Variants in KBTBD11 observed in about 807,000 individuals in gnomAD.
KBTBD11 encodes the protein kelch repeat and BTB domain-containing protein 11.
For synonymous variants in KBTBD11, 747 were observed against 499.0 expected (o/e 1.50, Z -6.63); for missense variants, 1,390 against 1,001.8 (o/e 1.39, Z -5.23).
intron 1 of KBTBD11, among the ~76,000 whole-genome samples, chr8:1,994,680 C>A (rs1310173282): frequency 6.6e-6 from 1 of 152,246 alleles, no homozygotes; most frequent in Admixed American, 6.5e-5. Context: ...AAATAGACGC[C>A]CGCTGCTCTG....
At chr8:1,989,796 G>A (rs73184743) in intron 1 of KBTBD11, among the ~76,000 whole-genome samples, 1 of 152,022 alleles carries the variant, frequency 6.6e-6, no homozygotes, top group African/African-American at 2.4e-5. Context: ...ATCCTCATGG[G>A]GTGAGACCAC....
rs761927705 is a variant in KBTBD11, at chr8:2,003,793, G to T, written c.*729G>T. On this transcript the variant is annotated 3_prime_UTR_variant, in exon 2 of 2. Coordinates refer to ENST00000320248, the MANE Select transcript of KBTBD11 (RefSeq NM_014867.3). ...AGTTGAAAGGATGTTAACTGATGTA[G>T]CGATGATTTACCATTATTTAAATTT... The T allele has an allele frequency of 6.0e-6, 1 of 166,972 alleles. No individual in the cohort carries two copies. Among genetic ancestry groups the T allele is most frequent in the African/African-American group, 2.4e-5 (1 of 41,434 alleles). 10.3% of individuals were successfully genotyped at this position (166,972 alleles called of 1,614,324 possible).
chr8:1,993,942 C>CACACACACAA (rs1817034272), intron 1 of KBTBD11, among the ~76,000 whole-genome samples: 1 of 151,634 alleles, frequency 6.6e-6, no homozygotes, highest in Non-Finnish European at 1.5e-5. Flanking sequence ...CACACACACA[C>CACACACACAA]ACACACACAC....
intron 1 of KBTBD11, among the ~76,000 whole-genome samples, chr8:1,997,177 G>A (rs1228992145): frequency 3.3e-5 from 5 of 152,078 alleles, no homozygotes; most frequent in African/African-American, 1.2e-4. Context: ...ACAGTAACAA[G>A]GATGGACGCT....
chr8:1,999,949 C>G (rs919223921), intron 1 of KBTBD11, among the ~76,000 whole-genome samples: 1 of 150,312 alleles, frequency 6.7e-6, no homozygotes. Flanking sequence ...ATTGTTGATA[C>G]TCGACTGCTT....
chr8:1,984,709 C>T lies in KBTBD11; in HGVS notation c.-909+10774C>T, dbSNP rs150515021. Among the ~76,000 whole-genome samples the T allele has an allele frequency of 1.5e-3, 230 of 152,238 alleles. 2 individuals are homozygous for T. The highest frequency in any genetic ancestry group is 2.1e-3 in the Non-Finnish European group (144 of 68,030). ...ACTTGACTTCCCACAGGAGCAGGAA[C>T]TCATAGCATTTGGGCAGATGTGGCA... On this transcript the variant is annotated intron_variant, in intron 1 of 1. Transcript: ENST00000320248.
rs550419400 is a variant in KBTBD11 at position 1,982,073 on chromosome 8, A to C, written c.-909+8138A>C. Among the ~76,000 whole-genome samples, 17 of 152,368 alleles carry C rather than the reference A, an allele frequency of 1.1e-4. 1 individual carries two copies. In the South Asian group the frequency reaches 3.5e-3, roughly 32 times the overall value. On this transcript the variant is annotated intron_variant, in intron 1 of 1. Transcript: ENST00000320248. ...CAGCTATGGTAATATGTTAAGGGATATACAGCACAAAAAGCTGTCATTTGT... is the reference window on the plus strand; with the variant it reads ...CAGCTATGGTAATATGTTAAGGGATCTACAGCACAAAAAGCTGTCATTTGT...
At chr8:1,999,207 C>G (rs1405021487) in intron 1 of KBTBD11, among the ~76,000 whole-genome samples, 2 of 152,164 alleles carry the variant, frequency 1.3e-5, no homozygotes, top group South Asian at 4.1e-4. Flanking sequence ...CTTGAAGACA[C>G]TTTTATTTCT....
Position 2,002,568 on chromosome 8 carries a change from T to G in KBTBD11, c.1376T>G (p.Ile459Ser). Residue 459 changes from isoleucine (I) to serine (S), a missense_variant, in exon 2 of 2, where the codon ATC (isoleucine) becomes AGC (serine). By Grantham distance (142) the Ile-to-Ser change is moderately radical. Coordinates refer to ENST00000320248, the MANE Select transcript of KBTBD11 (RefSeq NM_014867.3). The surrounding 1 kb of genome is among the most constrained non-coding windows in gnomAD (Gnocchi z 4.1). ...GAGGCCACCACCTGCCACGGCGAGATCTACGTGTCCGGGGGCTCCCTCTTC... is the reference window on the plus strand; with the variant it reads ...GAGGCCACCACCTGCCACGGCGAGAGCTACGTGTCCGGGGGCTCCCTCTTC... ...AHEATTCHGE[I>S]YVSGGSLFYR... The G allele has an allele frequency of 1.3e-6, 2 of 1,580,680 alleles. No individual in the cohort carries two copies. Among genetic ancestry groups the G allele is most frequent in the Non-Finnish European group, 1.7e-6 (2 of 1,172,700 alleles).
In KBTBD11 at chr8:2,001,214, T is replaced by C; in HGVS notation, c.22T>C (p.Cys8Arg). 1 of 1,407,526 alleles carries C rather than the reference T, an allele frequency of 7.1e-7. No homozygotes were observed. The highest frequency in any genetic ancestry group is 9.3e-7 in the Non-Finnish European group (1 of 1,078,774). The allele number at this position is 1,407,526 out of a possible 1,614,324, so 87.2% of individuals were successfully genotyped here. ...GGCCATGGAGCACGCGGTGGCCCCC[T>C]GCGTCCTCTACCCAGGGACTGAGCC... MEHAVAP[C>R]VLYPGTEPGA... is the part of the protein sequence containing the mutation. The change falls in exon 2 of 2, where the codon TGC becomes CGC. Residue 8 changes from cysteine (C) to arginine (R), a missense_variant. Physicochemically the swap from Cys to Arg is radical, Grantham distance 180. Coordinates refer to ENST00000320248, the MANE Select transcript of KBTBD11 (RefSeq NM_014867.3).
chr8:1,976,012 C>G (rs562754942), intron 1 of KBTBD11: 1 of 152,308 alleles, frequency 6.6e-6, no homozygotes, highest in Admixed American at 6.5e-5. Context: ...CAGTTGTTTT[C>G]TAAATACCAA....
intron 1 of KBTBD11, among the ~76,000 whole-genome samples, chr8:1,992,803 C>G (rs1366522168): frequency 6.6e-6 from 1 of 151,942 alleles, no homozygotes; most frequent in African/African-American, 2.4e-5. Context: ...ATCCAACATC[C>G]AGATATAACT....
chr8:1,998,958 T>G (rs1455348809), intron 1 of KBTBD11, among the ~76,000 whole-genome samples: 6 of 152,192 alleles, frequency 3.9e-5, no homozygotes, highest in Non-Finnish European at 8.8e-5. Context: ...TGAGCACCTG[T>G]CAGTGTGGGC....
chr8:1,987,838 T>C (rs1230711832), intron 1 of KBTBD11, among the ~76,000 whole-genome samples: 1 of 152,064 alleles, frequency 6.6e-6, no homozygotes, highest in Non-Finnish European at 1.5e-5. Flanking sequence ...ACCCATTAAC[T>C]CGTCATTTAC....
chr8:1,996,368 G>C (rs1390033402), intron 1 of KBTBD11, among the ~76,000 whole-genome samples: 1 of 152,156 alleles, frequency 6.6e-6, no homozygotes, highest in Non-Finnish European at 1.5e-5. Flanking sequence ...CTGGGTTCAG[G>C]TGATTCTCCT....
intron 1 of KBTBD11, among the ~76,000 whole-genome samples, chr8:1,991,619 C>T (rs1217807060): frequency 6.6e-6 from 1 of 151,412 alleles, no homozygotes; most frequent in Non-Finnish European, 1.5e-5. Flanking sequence ...TTTGCTCTCC[C>T]CACACCAGGT....
At chr8:1,978,433 G>C (rs1816424870) in intron 1 of KBTBD11, among the ~76,000 whole-genome samples, 1 of 152,226 alleles carries the variant, frequency 6.6e-6, no homozygotes, top group African/African-American at 2.4e-5. Context: ...CACACACTGG[G>C]GGCTGGCGCA....
At chr8:2,000,208 G>C (rs1051915933) in intron 1 of KBTBD11, 77 bp from the exon 2 acceptor site, 8 of 152,228 alleles carry the variant, frequency 5.3e-5, no homozygotes, top group Admixed American at 6.5e-5. Flanking sequence ...GGAGAGGGAA[G>C]GGTGGTAGAC....
intron 1 of KBTBD11, among the ~76,000 whole-genome samples, chr8:1,983,585 T>C (rs142388703): frequency 1.2e-4 from 19 of 152,324 alleles, no homozygotes; most frequent in African/African-American, 4.6e-4. Context: ...GGCACCTCCA[T>C]GAGGGTCAAG....
Sources: gnomAD v4.1 joint callset for allele counts (sites outside exome capture counted in the v4.1 genomes callset) on GRCh38, gnomAD v4.1.1 for gene constraint, Gnocchi (gnomAD v3.1) non-coding constraint, MANE v1.5 for transcripts, NCBI Gene and HGNC (gene_info 2026-07-23, HGNC 2026-07-21) for gene names.